PRDM1: variants seen among roughly 807,000 people sequenced by gnomAD.
PRDM1 encodes PR domain zinc finger protein 1.
Under a neutral mutation model 62.8 loss-of-function variants are expected in PRDM1, and 13 were observed. The ratio of observed to expected loss-of-function variants is 0.21; its 90% CI spans 0.13 to 0.33. PRDM1 has a LOEUF of 0.33. Ranked by LOEUF, PRDM1 falls within the 10% of genes least tolerant of loss-of-function variation. PRDM1 has a pLI of 1.00. For synonymous variants in PRDM1, 396 were observed against 417.6 expected (o/e 0.95, Z 0.63); for missense variants, 895 against 1,058.8 (o/e 0.85, Z 2.15).
rs1327122737 is a variant in PRDM1, at chr6:106,107,351, G to A, written c.2343G>A (p.Gly781=). 1.9e-6 allele frequency: 3 copies of A among 1,614,004 alleles called. No homozygotes were observed. Among genetic ancestry groups the A allele is most frequent in the Non-Finnish European group, 2.5e-6 (3 of 1,180,042 alleles). Residue 781 remains glycine, a synonymous_variant, in exon 7 of 7, where the codon GGG becomes GGA. Coordinates refer to ENST00000369096, the MANE Select transcript of PRDM1 (RefSeq NM_001198.4). ...AAGTGTCTTTGCAAAGAAACATGGG[G>A]AATGGACTCCTCTCCTCAGGGTGCA... is the stretch of plus-strand genomic sequence containing the variant. ...GLKVSLQRNM[G]NGLLSSGCSL...
At chr6:106,036,116 C>T (rs974150765) in intron 1 of PRDM1, among the ~76,000 whole-genome samples, 2 of 152,012 alleles carry the variant, frequency 1.3e-5, no homozygotes, top group South Asian at 2.1e-4. Flanking sequence ...TTTTGACCCT[C>T]ATTTCCTGCA....
At chr6:106,047,188 A>T (rs1773094773), upstream of PRDM1, among the ~76,000 whole-genome samples, 1 of 152,266 alleles carries the variant, frequency 6.6e-6, no homozygotes, top group African/African-American at 2.4e-5. Context: ...TAGGAAAGAA[A>T]AAGGAAGAAT....
intron 4 of PRDM1, 111 bp from the exon 5 acceptor site, chr6:106,104,703 ATATGTGGCGAT>A: frequency 8.0e-7 from 1 of 1,251,978 alleles, no homozygotes. Context: ...TGGAAGCCAG[ATATGTGGCGAT>A]TGTGTCGCCA....
intron 1 of PRDM1, among the ~76,000 whole-genome samples, chr6:106,061,057 C>A (rs1213945935): frequency 6.6e-6 from 1 of 152,186 alleles, no homozygotes; most frequent in Non-Finnish European, 1.5e-5. Context: ...AGAACCCCAA[C>A]CTCAATGCCA....
chr6:106,012,801 G>A (rs1053566629), intron 1 of PRDM1, among the ~76,000 whole-genome samples: 2 of 152,130 alleles, frequency 1.3e-5, no homozygotes, highest in African/African-American at 4.8e-5. Flanking sequence ...AAGATTACTT[G>A]TTTCTCTGTC....
intron 1 of PRDM1, among the ~76,000 whole-genome samples, chr6:106,034,637 T>C (rs28802315): frequency 2.3e-3 from 6 of 2,578 alleles, no homozygotes; most frequent in Non-Finnish European, 3.7e-3. Context: ...TTCTCTCTCT[T>C]TTTTTTTTTT....
intron 1 of PRDM1, among the ~76,000 whole-genome samples, chr6:106,056,009 T>G (rs1430748125): frequency 6.6e-6 from 1 of 152,184 alleles, no homozygotes; most frequent in East Asian, 1.9e-4. Flanking sequence ...AGAACAATTT[T>G]TTTTAACTCA....
intron 1 of PRDM1, among the ~76,000 whole-genome samples, chr6:106,033,509 T>G (rs754802406): frequency 6.6e-6 from 1 of 152,074 alleles, no homozygotes; most frequent in Non-Finnish European, 1.5e-5. Flanking sequence ...AGAGATGAGA[T>G]CTTGGTCTGT....
rs1296609662 is a variant in PRDM1, at chr6:105,994,948, AC to A, written c.-67+1310del. ...GGAGGGCTTGAGTTTTTTGGCGGAG[AC>A]AGAGGAAAGCCTCTGGTCGAGAGGA... On this transcript the variant is annotated intron_variant, in intron 1 of 6. Coordinates refer to the PRDM1 transcript ENST00000652320. This position sits in a 1 kb window ranked among gnomAD's most constrained non-coding sequence, Gnocchi z 4.1. Among the ~76,000 whole-genome samples the A allele has an allele frequency of 6.6e-6, 1 of 152,120 alleles. No individual in the cohort carries two copies. The highest frequency in any genetic ancestry group is 1.5e-5 in the Non-Finnish European group (1 of 68,012).
intron 1 of PRDM1, among the ~76,000 whole-genome samples, chr6:106,020,336 C>T (rs892172017): frequency 6.6e-6 from 1 of 151,884 alleles, no homozygotes; most frequent in Admixed American, 6.6e-5. Context: ...GTCCAGTTCC[C>T]TCACCCAGGC....
intron 1 of PRDM1, among the ~76,000 whole-genome samples, chr6:105,993,792 C>A (rs1772313256): frequency 6.6e-6 from 1 of 152,024 alleles, no homozygotes; most frequent in African/African-American, 2.4e-5. Flanking sequence ...GCTCTGATAT[C>A]GCTTAATCTG....
At chr6:106,000,075 T>A (rs1355471207) in intron 1 of PRDM1, among the ~76,000 whole-genome samples, 1 of 152,092 alleles carries the variant, frequency 6.6e-6, no homozygotes, top group Non-Finnish European at 1.5e-5. Context: ...GGTCTCGATC[T>A]CCTGAGCTCG....
intron 1 of PRDM1, among the ~76,000 whole-genome samples, chr6:106,071,892 C>T (rs1303251050): frequency 6.6e-6 from 1 of 152,206 alleles, no homozygotes; most frequent in Non-Finnish European, 1.5e-5. Flanking sequence ...CTTGACAGCA[C>T]ATTGGAACCA....
At position 106,104,974 on chromosome 6, in the gene PRDM1, TCAC is replaced by T. The variant is rs1354810178; in HGVS notation, c.816_818del (p.Pro273del). 6.2e-7 allele frequency: 1 copy of T among 1,614,018 alleles called. No individual in the cohort carries two copies. The highest frequency in any genetic ancestry group is 2.2e-5 in the East Asian group (1 of 44,860). ...AAAGGACCTCTACCGTTCTAACATTTCACCCCTCACATCAGAAAAGGACCTCGA... is the reference window on the plus strand; with the variant it reads ...AAAGGACCTCTACCGTTCTAACATTTCCCTCACATCAGAAAAGGACCTCGA... On this transcript the variant is annotated inframe_deletion, in exon 5 of 7. Coordinates refer to ENST00000369096, the MANE Select transcript of PRDM1 (RefSeq NM_001198.4).
At chr6:106,104,192 C>G (rs968495876) in intron 4 of PRDM1, among the ~76,000 whole-genome samples, 13 of 150,578 alleles carry the variant, frequency 8.6e-5, no homozygotes, top group African/African-American at 3.2e-4. Context: ...TTTTCCACTC[C>G]ATTAAAATGG....
At chr6:106,074,659 G>GT (rs1773572723) in intron 1 of PRDM1, among the ~76,000 whole-genome samples, 1 of 152,154 alleles carries the variant, frequency 6.6e-6, no homozygotes, top group Admixed American at 6.6e-5. Flanking sequence ...AGAATATTGG[G>GT]TTGGGGGACG....
intron 1 of PRDM1, 140 bp from the exon 2 acceptor site, chr6:106,088,060 TC>T: frequency 1.1e-6 from 1 of 938,414 alleles, no homozygotes. Flanking sequence ...TTATACGGCT[TC>T]TTGGCTCTTT....
In PRDM1 at chr6:106,106,768, C is replaced by T. The variant is rs564049905; in HGVS notation, c.1903-143C>T. 1 of 1,018,808 alleles carries T rather than the reference C, an allele frequency of 9.8e-7. No homozygotes were observed. Among genetic ancestry groups the T allele is most frequent in the East Asian group, 2.5e-5 (1 of 40,702 alleles). 63.1% of individuals were successfully genotyped at this position (1,018,808 alleles called of 1,614,324 possible). A position where few individuals can be genotyped will look rare whatever the true frequency, so the allele number is the denominator to read the frequency against. On this transcript the variant is annotated intron_variant, in intron 6 of 6. Coordinates refer to ENST00000369096, the MANE Select transcript of PRDM1 (RefSeq NM_001198.4). This position sits in a 1 kb window ranked among gnomAD's most constrained non-coding sequence, Gnocchi z 4.4. ...CCCACATCCCCCCGTTTGCTTAATA[C>T]CACACTGGAGGTGCCACAAGGAGGC...
chr6:106,078,610 G>T (rs1020642211), intron 1 of PRDM1, among the ~76,000 whole-genome samples: 1 of 152,268 alleles, frequency 6.6e-6, no homozygotes, highest in South Asian at 2.1e-4. Flanking sequence ...AGTGGCTCAC[G>T]CCTGTAATCC....
Sources: allele counts gnomAD v4.1 joint callset (sites outside exome capture counted in the v4.1 genomes callset), GRCh38; gene constraint gnomAD v4.1.1; non-coding constraint Gnocchi (gnomAD v3.1); transcripts MANE v1.5; gene names NCBI Gene and HGNC (gene_info 2026-07-23, HGNC 2026-07-21).